Variants in GPRASP3 observed in about 807,000 individuals in gnomAD.
The protein encoded by GPRASP3 is G protein-coupled receptor associated sorting protein 3.
At chrX:102,742,933 A>G in the GPRASP3 span, among the ~76,000 whole-genome samples, 2 of 111,946 alleles carry the variant, frequency 1.8e-5, no homozygotes, top group Admixed American at 1.9e-4. Context: ...TGAGACATCA[A>G]TTAATACATG....
At chrX:102,724,346 G>A in the GPRASP3 span, among the ~76,000 whole-genome samples, 4 of 111,778 alleles carry the variant, frequency 3.6e-5, no homozygotes, top group African/African-American at 1.3e-4. Context: ...CCTTTGCTGT[G>A]TATTCTACAT....
the GPRASP3 span, among the ~76,000 whole-genome samples, chrX:102,728,694 G>T: frequency 9.4e-6 from 1 of 106,513 alleles, no homozygotes; most frequent in Admixed American, 1.0e-4. Flanking sequence ...TGAGATTAAA[G>T]GTGTGAGCCA....
At chrX:102,728,894 A>G in the GPRASP3 span, among the ~76,000 whole-genome samples, 1 of 111,972 alleles carries the variant, frequency 8.9e-6, no homozygotes, top group Non-Finnish European at 1.9e-5. Flanking sequence ...GATTCTTCAA[A>G]GAACTGAGGC....
chrX:102,724,992 C>T, the GPRASP3 span, among the ~76,000 whole-genome samples: 1 of 111,072 alleles, frequency 9.0e-6, no homozygotes, highest in Non-Finnish European at 1.9e-5. Flanking sequence ...TTTCATCTGT[C>T]TAGTCTGGAC....
At chrX:102,721,424 G>A in the GPRASP3 span, among the ~76,000 whole-genome samples, 1 of 111,623 alleles carries the variant, frequency 9.0e-6, no homozygotes, top group Non-Finnish European at 1.9e-5. Flanking sequence ...GAGGAGGGCA[G>A]AAGAGAACAC....
At chrX:102,744,748 G>T in the GPRASP3 span, among the ~76,000 whole-genome samples, 2 of 111,500 alleles carry the variant, frequency 1.8e-5, no homozygotes, top group East Asian at 2.8e-4. Flanking sequence ...GCATACTCTG[G>T]GCTAAGCCCT....
At chrX:102,748,689 T>C in the GPRASP3 span, 2 of 214,779 alleles carry the variant, frequency 9.3e-6, no homozygotes, top group Non-Finnish European at 1.7e-5. Flanking sequence ...GTTTCTTTCT[T>C]CAACCTCAGG....
chrX:102,734,992 T>C, the GPRASP3 span, among the ~76,000 whole-genome samples: 1 of 112,064 alleles, frequency 8.9e-6, no homozygotes, highest in Non-Finnish European at 1.9e-5. Flanking sequence ...TTTGGAAAGT[T>C]TGTCAAATAT....
chrX:102,721,325 C>A, the GPRASP3 span, among the ~76,000 whole-genome samples: 3 of 111,412 alleles, frequency 2.7e-5, no homozygotes, highest in Non-Finnish European at 5.7e-5. Flanking sequence ...GTGAGCTATG[C>A]GTCCGCACTC....
chrX:102,742,304 A>G, the GPRASP3 span, among the ~76,000 whole-genome samples: 17 of 107,731 alleles, frequency 1.6e-4, no homozygotes, highest in Admixed American at 1.2e-3. Flanking sequence ...CAAAATTGAT[A>G]GTAGCCCTTT....
the GPRASP3 span, chrX:102,750,833 G>A: frequency 3.1e-6 from 1 of 321,342 alleles, no homozygotes; most frequent in Non-Finnish European, 5.5e-6. Context: ...ATCTTGTCTA[G>A]ATTGGCATAT....
chrX:102,740,331 A>G, the GPRASP3 span, among the ~76,000 whole-genome samples: 1 of 111,556 alleles, frequency 9.0e-6, no homozygotes, highest in Non-Finnish European at 1.9e-5. Context: ...TGATTGGGAG[A>G]ATGTAAAGGA....
At chrX:102,722,323 C>T in the GPRASP3 span, among the ~76,000 whole-genome samples, 1 of 112,093 alleles carries the variant, frequency 8.9e-6, no homozygotes, top group Non-Finnish European at 1.9e-5. Flanking sequence ...AATCAAAAGC[C>T]AGATGAAGAG....
the GPRASP3 span, chrX:102,747,479 C>T: frequency 8.9e-6 from 1 of 111,874 alleles, no homozygotes; most frequent in Non-Finnish European, 1.9e-5. Flanking sequence ...AGGACATGCA[C>T]AGATGGTATT....
chrX:102,744,862 A>G, the GPRASP3 span, among the ~76,000 whole-genome samples: 1 of 111,419 alleles, frequency 9.0e-6, no homozygotes, highest in Non-Finnish European at 1.9e-5. Context: ...ACCTCCTTCA[A>G]CCCTTGACTG....
chrX:102,735,403 C>CTTT, the GPRASP3 span, among the ~76,000 whole-genome samples: 5 of 94,480 alleles, frequency 5.3e-5, no homozygotes, highest in Non-Finnish European at 8.4e-5. Context: ...CACAGAATCT[C>CTTT]TTTTTTTTTT....
chrX:102,723,753 A>G, the GPRASP3 span, among the ~76,000 whole-genome samples: 6 of 111,771 alleles, frequency 5.4e-5, no homozygotes, highest in Admixed American at 5.7e-4. Context: ...AGGACCAACC[A>G]TGTGATTAAA....
At chrX:102,747,735 A>C in the GPRASP3 span, 1 of 112,143 alleles carries the variant, frequency 8.9e-6, no homozygotes, top group Non-Finnish European at 1.9e-5. Context: ...ATTCAAAAGC[A>C]TATGTTATAA....
chrX:102,740,894 GAAGAA>G, the GPRASP3 span, among the ~76,000 whole-genome samples: 2 of 111,169 alleles, frequency 1.8e-5, no homozygotes, highest in African/African-American at 6.5e-5. Context: ...AAAAAGAAAA[GAAGAA>G]AAGAAAAGAA....
Sources: gnomAD v4.1 joint callset for allele counts (sites outside exome capture counted in the v4.1 genomes callset) on GRCh38, gnomAD v4.1.1 for gene constraint, MANE v1.5 for transcripts, NCBI Gene and HGNC (gene_info 2026-07-23, HGNC 2026-07-21) for gene names.